The following RPTOR variants were observed in gnomAD, a reference collection of about 807,000 sequenced individuals.
The protein encoded by RPTOR is regulatory-associated protein of mTOR.
Under a neutral mutation model 169.9 loss-of-function variants are expected in RPTOR, and 21 were observed. The ratio of observed to expected loss-of-function variants is 0.12; its 90% CI spans 0.09 to 0.18. RPTOR has a LOEUF of 0.18. RPTOR is among the 10% of genes least tolerant of loss of function. The pLI is 1.00. For synonymous variants in RPTOR, 732 were observed against 753.2 expected, an observed-to-expected ratio of 0.97 and a Z score of 0.46; for missense variants, 1,133 against 1,855.9, an observed-to-expected ratio of 0.61 and a Z score of 7.16.
intron 21 of RPTOR, among the ~76,000 whole-genome samples, chr17:80,918,472 A>G (rs5016361): frequency 0.12 from 2,188 of 18,074 alleles, 49 homozygotes; most frequent in African/African-American, 0.16. Context: ...CCCTCGCCGG[A>G]GTCATAGCCA....
rs1203787304 is a variant in RPTOR, at chr17:80,965,065, C to T, written c.*735C>T. Reference sequence around the variant, plus strand: ...CTCACACAGAGCTGTCAGCAGGGGCCGCTGTGGCGGTGCACAGGGGAGGCA... The same window carrying T: ...CTCACACAGAGCTGTCAGCAGGGGCTGCTGTGGCGGTGCACAGGGGAGGCA... On this transcript the variant is annotated 3_prime_UTR_variant, in exon 34 of 34. Transcript: ENST00000306801. 2 of 233,246 alleles carry T rather than the reference C, an allele frequency of 8.6e-6. No individual in the cohort carries two copies. Among genetic ancestry groups the T allele is most frequent in the African/African-American group, 4.4e-5 (2 of 45,358 alleles). The allele number at this position is 233,246 out of a possible 1,614,324, so 14.4% of individuals were successfully genotyped here.
rs1381233644 is a variant in RPTOR, at chr17:80,880,486, G to A, written c.1581G>A (p.Met527Ile). The A allele has an allele frequency of 6.2e-7, 1 of 1,613,416 alleles. No individual in the cohort carries two copies. Among genetic ancestry groups the A allele is most frequent in the Non-Finnish European group, 8.5e-7 (1 of 1,179,958 alleles). The change falls in exon 14 of 34, where the codon ATG becomes ATA. Residue 527 changes from methionine to isoleucine, a missense_variant. By Grantham distance (10) the Met-to-Ile change is conservative (BLOSUM62 1). Around this residue, in one of 9 missense-constraint regions of RPTOR, gnomAD observed 289 missense variants for 585.8 expected, o/e 0.49. Transcript: ENST00000306801. ...TGTCGGTCCTGGCGGACCCCTACAT[G>A]CCAGTAAGGACGGGGCAGCACGCTC... ...YFLSVLADPYMPAEHRTMTAF... is the reference protein window; with the variant it reads ...YFLSVLADPYIPAEHRTMTAF...
intron 20 of RPTOR, among the ~76,000 whole-genome samples, chr17:80,899,345 A>G (rs1161314587): frequency 1.3e-5 from 2 of 152,276 alleles, no homozygotes; most frequent in African/African-American, 2.4e-5. Context: ...AGCCTGCAAG[A>G]GTCTTTTAAA....
intron 6 of RPTOR, among the ~76,000 whole-genome samples, chr17:80,777,382 CTATTAAAAACTTGAA>C (rs1002282641): frequency 1.3e-5 from 2 of 152,120 alleles, no homozygotes; most frequent in Non-Finnish European, 2.9e-5. Flanking sequence ...TGGTTGAAAA[CTATTAAAAACTTGAA>C]TATTCAAGCA....
intron 3 of RPTOR, among the ~76,000 whole-genome samples, chr17:80,697,030 A>G (rs2066042933): frequency 6.6e-6 from 1 of 152,206 alleles, no homozygotes; most frequent in South Asian, 2.1e-4. Context: ...CTAGTGTGAC[A>G]GTCTTTCTGG....
intron 6 of RPTOR, among the ~76,000 whole-genome samples, chr17:80,758,229 T>C (rs1220718021): frequency 6.6e-6 from 1 of 152,226 alleles, no homozygotes; most frequent in Non-Finnish European, 1.5e-5. Flanking sequence ...AGTGACCTTA[T>C]GGCACCAAGG....
chr17:80,894,929 C>T (rs951084341), intron 20 of RPTOR, among the ~76,000 whole-genome samples: 6 of 152,232 alleles, frequency 3.9e-5, no homozygotes, highest in South Asian at 2.1e-4. Context: ...CTCCTATTGG[C>T]GCCGTCGCAC....
At chr17:80,619,112 TC>T (rs1399361470) in intron 1 of RPTOR, among the ~76,000 whole-genome samples, 26 of 152,268 alleles carry the variant, frequency 1.7e-4, no homozygotes, top group African/African-American at 6.3e-4. Context: ...TAATGAGCGC[TC>T]CCGGGAATTG....
chr17:80,723,338 G>A (rs933953395), intron 4 of RPTOR, among the ~76,000 whole-genome samples: 1 of 151,096 alleles, frequency 6.6e-6, no homozygotes, highest in Non-Finnish European at 1.5e-5. Flanking sequence ...TCTAATGGTG[G>A]TGCTGTACCT....
At chr17:80,694,001 A>G (rs540018343) in intron 3 of RPTOR, among the ~76,000 whole-genome samples, 47 of 152,376 alleles carry the variant, frequency 3.1e-4, no homozygotes, top group African/African-American at 1.1e-3. Context: ...GGAGAGGGAC[A>G]TTGTGAACTT....
In RPTOR at chr17:80,922,018, C is replaced by T. The variant is rs142763562; in HGVS notation, c.2521-706C>T. 3.4e-4 allele frequency among the ~76,000 whole-genome samples: 52 copies of T among 152,310 alleles called. 1 individual carries two copies. The East Asian group carries it at 0.01, about 29-fold the overall frequency. On this transcript the variant is annotated intron_variant, in intron 21 of 33. Transcript: ENST00000306801. The stretch of plus-strand genomic sequence containing the variant: ...CCCCGTCACAGTCCAGGCAGCAGAG[C>T]CCATTTTGCCACTGGAGAGAGCCCA...
At chr17:80,825,248 C>T (rs1276428128) in intron 9 of RPTOR, among the ~76,000 whole-genome samples, 3 of 149,916 alleles carry the variant, frequency 2.0e-5, no homozygotes, top group Non-Finnish European at 4.4e-5. Context: ...CTAGAGGCCG[C>T]GTGGCGAGGC....
rs115728208 is a variant in RPTOR at position 80,713,557 on chromosome 17, T to C, written c.507+5558T>C. Among the ~76,000 whole-genome samples, 1,313 of 152,310 alleles carry C rather than the reference T, an allele frequency of 8.6e-3. 26 individuals are homozygous for C. The highest frequency in any genetic ancestry group is 0.03 in the African/African-American group (1,255 of 41,552). The stretch of plus-strand genomic sequence containing the variant: ...AAAAAAGCATGATCAAACCTTGTGC[T>C]GTCCATAGTAGATGTATTTTAAATA... On this transcript the variant is annotated intron_variant, in intron 4 of 33. Coordinates refer to ENST00000306801, the MANE Select transcript of RPTOR (RefSeq NM_020761.3).
At chr17:80,922,953 C>T (rs752653003) in intron 22 of RPTOR, 126 bp downstream of exon 22, 15 of 767,478 alleles carry the variant, frequency 2.0e-5, no homozygotes, top group Non-Finnish European at 2.7e-5. Flanking sequence ...TCTCCTCCCC[C>T]CTCTCCAGCG....
At chr17:80,777,256 G>GA (rs149582947) in intron 6 of RPTOR, among the ~76,000 whole-genome samples, 4,114 of 151,350 alleles carry the variant, frequency 0.027, 201 homozygotes, top group African/African-American at 0.096. Context: ...AAAGAAAAAA[G>GA]AAAGTGAAGG....
chr17:80,551,671 G>A (rs2084347419), intron 1 of RPTOR, among the ~76,000 whole-genome samples: 1 of 152,136 alleles, frequency 6.6e-6, no homozygotes, highest in South Asian at 2.1e-4. Context: ...GCCCAGGGAC[G>A]GGCAGGAGAC....
rs542479216 is a variant in RPTOR at position 80,823,334 on chromosome 17, C to T, written c.1136+111C>T. 2.6e-5 allele frequency: 35 copies of T among 1,356,444 alleles called. No homozygotes were observed. The highest frequency in any genetic ancestry group is 3.3e-5 in the Non-Finnish European group (33 of 993,088). The allele number at this position is 1,356,444 out of a possible 1,614,324, so 84.0% of individuals were successfully genotyped here. A position where few individuals can be genotyped will look rare whatever the true frequency, so the allele number is the denominator to read the frequency against. ...GGAGGCCCCACACCTAACTTGGGGA[C>T]CCCGTGTAGCATTAACAAGTGAAGC... On this transcript the variant is annotated intron_variant, in intron 9 of 33. Transcript: ENST00000306801. The surrounding 1 kb of genome is among the most constrained non-coding windows in gnomAD (Gnocchi z 4.5).
At chr17:80,867,920 C>T (rs1447640736) in intron 13 of RPTOR, among the ~76,000 whole-genome samples, 4 of 152,070 alleles carry the variant, frequency 2.6e-5, no homozygotes, top group Non-Finnish European at 5.9e-5. Flanking sequence ...TTCTGAGATC[C>T]ACATGGAAAT....
At chr17:80,686,360 T>C (rs753964667) in intron 3 of RPTOR, among the ~76,000 whole-genome samples, 15,995 of 138,920 alleles carry the variant, frequency 0.12, 367 homozygotes, top group African/African-American at 0.27. Context: ...CTAATTTTTT[T>C]ATTTTTAGTA....
Sources: gnomAD v4.1 joint callset for allele counts (sites outside exome capture counted in the v4.1 genomes callset) on GRCh38, gnomAD v4.1.1 for gene constraint, gnomAD v4.1.1 regional missense constraint, Gnocchi (gnomAD v3.1) non-coding constraint, MANE v1.5 for transcripts, NCBI Gene and HGNC (gene_info 2026-07-23, HGNC 2026-07-21) for gene names.